The following NHERF2 variants were observed in gnomAD, a reference collection of about 807,000 sequenced individuals.
NHERF2 encodes the protein NHERF family PDZ scaffold protein 2, also known as Na(+)/H(+) exchange regulatory cofactor NHE-RF2.
chr16:2,028,381 C>G, the NHERF2 span, among the ~76,000 whole-genome samples: 1 of 152,212 alleles, frequency 6.6e-6, no homozygotes, highest in Non-Finnish European at 1.5e-5. Flanking sequence ...GGGCTGGGGC[C>G]AGGCTGCTGT....
At chr16:2,033,229 C>T in the NHERF2 span, 2 of 1,506,332 alleles carry the variant, frequency 1.3e-6, no homozygotes, top group Non-Finnish European at 1.8e-6. Flanking sequence ...CACGTCCCCA[C>T]CCATCCCCGG....
the NHERF2 span, chr16:2,036,778 C>T: frequency 6.2e-6 from 10 of 1,613,464 alleles, no homozygotes; most frequent in Non-Finnish European, 7.6e-6. Flanking sequence ...TGGTGGCCAG[C>T]ATCAAGGCAC....
chr16:2,035,453 G>T, the NHERF2 span: 1 of 985,944 alleles, frequency 1.0e-6, no homozygotes, highest in Non-Finnish European at 1.2e-6. Flanking sequence ...GTGAGGGAAG[G>T]GCCCTGGCAG....
the NHERF2 span, among the ~76,000 whole-genome samples, chr16:2,034,313 T>A: frequency 6.6e-6 from 1 of 151,650 alleles, no homozygotes; most frequent in African/African-American, 2.4e-5. Flanking sequence ...ACGCCTTCCC[T>A]GCGTCCCAGG....
chr16:2,034,839 C>T, the NHERF2 span, among the ~76,000 whole-genome samples: 10 of 152,226 alleles, frequency 6.6e-5, no homozygotes, highest in Non-Finnish European at 8.8e-5. Flanking sequence ...CCCAGGCCAG[C>T]CTGGGGGCCG....
At chr16:2,035,376 G>C in the NHERF2 span, 7 of 985,414 alleles carry the variant, frequency 7.1e-6, no homozygotes, top group South Asian at 3.3e-4. Flanking sequence ...GCGCCCCCTT[G>C]CCATGCCGCC....
At chr16:2,037,877 A>G in the NHERF2 span, 1 of 1,606,090 alleles carries the variant, frequency 6.2e-7, no homozygotes, top group Non-Finnish European at 8.5e-7. Context: ...CCTCCACCTG[A>G]GCCCCACGGC....
the NHERF2 span, chr16:2,036,898 G>A: frequency 1.3e-6 from 2 of 1,599,002 alleles, no homozygotes; most frequent in Non-Finnish European, 1.7e-6. Context: ...CACGGCCCAG[G>A]GCACAGGGTG....
At chr16:2,029,579 C>T in the NHERF2 span, 1 of 1,566,506 alleles carries the variant, frequency 6.4e-7, no homozygotes, top group Non-Finnish European at 8.6e-7. Context: ...CCATTCGCCC[C>T]AGGTGGTGCA....
At chr16:2,027,173 G>A in the NHERF2 span, 1 of 1,469,680 alleles carries the variant, frequency 6.8e-7, no homozygotes, top group South Asian at 1.3e-5. Context: ...GGGACCGCCT[G>A]GTCGAGGTCA....
chr16:2,037,487 TGCA>T, the NHERF2 span: 1 of 1,488,238 alleles, frequency 6.7e-7, no homozygotes, highest in Admixed American at 1.9e-5. Flanking sequence ...TGTGTGCGTG[TGCA>T]GGTGTTGTGT....
At chr16:2,035,571 G>A in the NHERF2 span, 4 of 987,382 alleles carry the variant, frequency 4.1e-6, no homozygotes, top group Non-Finnish European at 4.8e-6. Context: ...GTTTAACTGA[G>A]CACGGGCAGC....
chr16:2,032,948 G>GTT, the NHERF2 span: 4 of 1,093,402 alleles, frequency 3.7e-6, no homozygotes, highest in Non-Finnish European at 4.5e-6. The surrounding 1 kb of genome is among the most constrained non-coding windows in gnomAD (Gnocchi z 4.0). Context: ...GCGGGAGGCG[G>GTT]CTGTGTGGTT....
the NHERF2 span, chr16:2,027,050 G>A: frequency 3.6e-6 from 5 of 1,376,970 alleles, no homozygotes; most frequent in Non-Finnish European, 3.8e-6. Flanking sequence ...GCCGCTTGGT[G>A]CGCGGAGAGC....
the NHERF2 span, among the ~76,000 whole-genome samples, chr16:2,032,493 T>A: frequency 6.6e-6 from 1 of 152,144 alleles, no homozygotes; most frequent in South Asian, 2.1e-4. This position sits in a 1 kb window ranked among gnomAD's most constrained non-coding sequence, Gnocchi z 4.0. Context: ...ATGGCTCCAG[T>A]GGGGGCACTG....
chr16:2,037,572 A>G, the NHERF2 span: 11 of 1,612,576 alleles, frequency 6.8e-6, no homozygotes, highest in Non-Finnish European at 9.3e-6. Context: ...TCCCGAAGTG[A>G]CCTGCCTGGT....
chr16:2,037,490 A>C, the NHERF2 span: 1 of 1,501,128 alleles, frequency 6.7e-7, no homozygotes, highest in East Asian at 2.4e-5. Context: ...GTGCGTGTGC[A>C]GGTGTTGTGT....
chr16:2,029,556 C>T, the NHERF2 span: 1 of 1,551,356 alleles, frequency 6.4e-7, no homozygotes, highest in Non-Finnish European at 8.7e-7. Context: ...GGCCACTGAC[C>T]CGCTCCTATC....
the NHERF2 span, chr16:2,037,588 C>T: frequency 6.2e-7 from 1 of 1,612,856 alleles, no homozygotes; most frequent in Non-Finnish European, 8.5e-7. Context: ...CTGGTTCCGA[C>T]AAGGACACTG....
Sources: allele counts gnomAD v4.1 joint callset (sites outside exome capture counted in the v4.1 genomes callset), GRCh38; gene constraint gnomAD v4.1.1; non-coding constraint Gnocchi (gnomAD v3.1); transcripts MANE v1.5; gene names NCBI Gene and HGNC (gene_info 2026-07-23, HGNC 2026-07-21).